The following KHDRBS2 variants were observed in gnomAD, a reference collection of about 807,000 sequenced individuals.
The protein encoded by KHDRBS2 is KH RNA binding domain containing, signal transduction associated 2, also known as KH domain-containing, RNA-binding, signal transduction-associated protein 2.
Under a neutral mutation model 44.3 loss-of-function variants are expected in KHDRBS2, and 26 were observed. That is an observed-to-expected ratio of 0.59 (90% CI 0.43 to 0.81). The LOEUF is 0.81. Ranked by LOEUF, KHDRBS2 falls within the 40% of genes least tolerant of loss-of-function variation. The pLI, the probability that KHDRBS2 is intolerant of heterozygous loss-of-function variation, is 0.00. For missense variants in KHDRBS2, 476 were observed against 433.1 expected, an observed-to-expected ratio of 1.10 and a Z score of -0.88; for synonymous variants, 194 against 151.1, an observed-to-expected ratio of 1.28 and a Z score of -2.08.
At chr6:61,812,084 CT>C (rs1156765523) in intron 6 of KHDRBS2, among the ~76,000 whole-genome samples, 1 of 151,696 alleles carries the variant, frequency 6.6e-6, no homozygotes. Flanking sequence ...TATACATTTT[CT>C]TTTTATTCTA....
chr6:62,249,242 G>A lies in KHDRBS2; in HGVS notation c.91+36616C>T, dbSNP rs185712417. 2.2e-3 allele frequency among the ~76,000 whole-genome samples: 333 copies of A among 152,100 alleles called. 10 individuals are homozygous for A. The South Asian group carries it at 0.06, about 28-fold the overall frequency. Reference sequence around the variant, plus strand: ...GGATATAGGTACATGTCATTTCACCGTATCTATAGTCACACTGATTAAAAG... The same window carrying A: ...GGATATAGGTACATGTCATTTCACCATATCTATAGTCACACTGATTAAAAG... On this transcript the variant is annotated intron_variant, in intron 1 of 8. Coordinates refer to ENST00000281156, the MANE Select transcript of KHDRBS2 (RefSeq NM_152688.4).
intron 6 of KHDRBS2, among the ~76,000 whole-genome samples, chr6:61,852,197 G>A (rs1194797487): frequency 2.6e-5 from 4 of 151,820 alleles, no homozygotes; most frequent in Admixed American, 2.6e-4. Flanking sequence ...ACTCCAGCCT[G>A]GGCAATGGAA....
chr6:61,659,124 C>G, the KHDRBS2 span: 1 of 151,612 alleles, frequency 6.6e-6, no homozygotes, highest in Non-Finnish European at 1.5e-5. Context: ...TACATTGGTT[C>G]AAATCCAAAT....
chr6:61,720,702 C>A (rs9767012), intron 7 of KHDRBS2, among the ~76,000 whole-genome samples: 7 of 151,880 alleles, frequency 4.6e-5, no homozygotes, highest in Admixed American at 1.3e-4. Flanking sequence ...GAGTAGGTTG[C>A]GAAAATTTTC....
chr6:61,808,253 C>G (rs1160472813), intron 6 of KHDRBS2, among the ~76,000 whole-genome samples: 1 of 152,038 alleles, frequency 6.6e-6, no homozygotes, highest in Admixed American at 6.6e-5. Flanking sequence ...TTTCAAGGGA[C>G]AATCACATTC....
At chr6:61,557,673 T>C in the KHDRBS2 span, among the ~76,000 whole-genome samples, 3 of 152,200 alleles carry the variant, frequency 2.0e-5, no homozygotes, top group Non-Finnish European at 2.9e-5. Context: ...AGTATTCTCT[T>C]CTCTATTTTT....
intron 7 of KHDRBS2, among the ~76,000 whole-genome samples, chr6:61,722,823 C>T (rs1232153371): frequency 6.6e-6 from 1 of 151,958 alleles, no homozygotes; most frequent in Admixed American, 6.6e-5. Context: ...CATTCTCCTG[C>T]CTCAGCCTCC....
intron 6 of KHDRBS2, among the ~76,000 whole-genome samples, chr6:61,887,012 T>C (rs559355691): frequency 6.6e-6 from 1 of 152,128 alleles, no homozygotes; most frequent in African/African-American, 2.4e-5. Flanking sequence ...GAAGTACAAA[T>C]GATCTGTGTG....
intron 2 of KHDRBS2, among the ~76,000 whole-genome samples, chr6:62,133,823 G>C (rs1245891047): frequency 1.3e-5 from 2 of 152,198 alleles, no homozygotes; most frequent in African/African-American, 2.4e-5. Context: ...TTAGCAAAGA[G>C]ACTGGCAGCA....
chr6:61,647,078 C>G, the KHDRBS2 span, among the ~76,000 whole-genome samples: 2 of 152,060 alleles, frequency 1.3e-5, no homozygotes, highest in Non-Finnish European at 2.9e-5. Flanking sequence ...CTCGGCCTCC[C>G]AAAGTGCTGG....
At chr6:62,100,708 A>G (rs1260983389) in intron 2 of KHDRBS2, among the ~76,000 whole-genome samples, 3 of 152,232 alleles carry the variant, frequency 2.0e-5, no homozygotes, top group African/African-American at 4.8e-5. Flanking sequence ...TATAATTAAC[A>G]TATGTACATT....
intron 1 of KHDRBS2, among the ~76,000 whole-genome samples, chr6:62,238,545 T>C (rs1834070485): frequency 6.6e-6 from 1 of 152,148 alleles, no homozygotes; most frequent in Admixed American, 6.5e-5. Flanking sequence ...AAAACTCTTA[T>C]TTACAGAAGA....
chr6:61,671,230 T>C, the KHDRBS2 span, among the ~76,000 whole-genome samples: 2 of 151,590 alleles, frequency 1.3e-5, no homozygotes, highest in Non-Finnish European at 3.0e-5. Context: ...ACCTGTGAGA[T>C]CAAGCATCTC....
chr6:61,952,245 A>T (rs1322808545), intron 4 of KHDRBS2, among the ~76,000 whole-genome samples: 1 of 152,094 alleles, frequency 6.6e-6, no homozygotes, highest in Non-Finnish European at 1.5e-5. Context: ...TAAAAACTAC[A>T]TTGAAAAGGC....
At chr6:61,731,521 C>T (rs560002865) in intron 7 of KHDRBS2, among the ~76,000 whole-genome samples, 2 of 152,068 alleles carry the variant, frequency 1.3e-5, no homozygotes, top group Non-Finnish European at 2.9e-5. Context: ...TGTGCTGTCA[C>T]TCAGGCCACG....
chr6:61,596,683 C>T, the KHDRBS2 span, among the ~76,000 whole-genome samples: 157 of 152,106 alleles, frequency 1.0e-3, no homozygotes, highest in African/African-American at 3.7e-3. Context: ...AATGGAGTCT[C>T]ACACTGTCAC....
intron 1 of KHDRBS2, among the ~76,000 whole-genome samples, chr6:62,238,072 T>C (rs1833992950): frequency 6.8e-6 from 1 of 146,834 alleles, no homozygotes; most frequent in Non-Finnish European, 1.5e-5. Context: ...AAAAAAAAAA[T>C]TGATATAGTT....
At chr6:61,717,743 C>T (rs1412196735) in intron 7 of KHDRBS2, among the ~76,000 whole-genome samples, 1 of 152,202 alleles carries the variant, frequency 6.6e-6, no homozygotes, top group African/African-American at 2.4e-5. Flanking sequence ...TTACATTAAA[C>T]ATATAGCCTA....
chr6:61,702,510 T>A (rs2127546473), intron 7 of KHDRBS2, among the ~76,000 whole-genome samples: 1 of 152,104 alleles, frequency 6.6e-6, no homozygotes, highest in South Asian at 2.1e-4. Context: ...TGGCAATTAA[T>A]ACAATCCCCT....
Sources: gnomAD v4.1 joint callset for allele counts (sites outside exome capture counted in the v4.1 genomes callset) on GRCh38, gnomAD v4.1.1 for gene constraint, MANE v1.5 for transcripts, NCBI Gene and HGNC (gene_info 2026-07-23, HGNC 2026-07-21) for gene names.